Variants in LNP1 observed in about 807,000 individuals in gnomAD.
LNP1 encodes leukemia NUP98 fusion partner 1.
LNP1 carries 12 observed loss-of-function variants against 14.5 expected under a neutral mutation model. The observed-to-expected ratio is 0.83, with a 90% CI of 0.53 to 1.34. The LOEUF (loss-of-function observed/expected upper bound fraction) is 1.34. Ranked by LOEUF, LNP1 falls within the 40% of genes most tolerant of loss-of-function variation. The pLI is 0.00. For synonymous variants in LNP1, 75 were observed against 71.4 expected (o/e 1.05, Z -0.26); for missense variants, 198 against 210.9 (o/e 0.94, Z 0.38).
intron 2 of LNP1, among the ~76,000 whole-genome samples, chr3:100,442,787 C>A (rs1707356784): frequency 6.6e-6 from 1 of 151,936 alleles, no homozygotes; most frequent in South Asian, 2.1e-4. Context: ...AAAATAAAAT[C>A]TTTTGGAATA....
intron 2 of LNP1, among the ~76,000 whole-genome samples, chr3:100,446,124 AAG>A (rs1256904204): frequency 6.6e-6 from 1 of 152,234 alleles, no homozygotes; most frequent in Non-Finnish European, 1.5e-5. Context: ...GGAACCAAAA[AAG>A]AGCCTGCATT....
At chr3:100,424,665 A>G (rs1707175356) in intron 1 of LNP1, among the ~76,000 whole-genome samples, 1 of 152,180 alleles carries the variant, frequency 6.6e-6, no homozygotes, top group South Asian at 2.1e-4. Flanking sequence ...CCACTCTTAT[A>G]ATTTAAGGAA....
chr3:100,442,873 A>G (rs1251495004), intron 2 of LNP1, among the ~76,000 whole-genome samples: 1 of 152,162 alleles, frequency 6.6e-6, no homozygotes, highest in East Asian at 1.9e-4. Flanking sequence ...TTATTCCTAG[A>G]CAGGTAGGTC....
chr3:100,427,482 A>T (rs1707205220), intron 1 of LNP1, among the ~76,000 whole-genome samples: 1 of 152,182 alleles, frequency 6.6e-6, no homozygotes, highest in Non-Finnish European at 1.5e-5. Flanking sequence ...CAGCTGATTC[A>T]TACTATAGAT....
At chr3:100,436,424 G>A (rs1284853289) in intron 2 of LNP1, among the ~76,000 whole-genome samples, 4 of 152,052 alleles carry the variant, frequency 2.6e-5, no homozygotes, top group African/African-American at 9.7e-5. Flanking sequence ...CAGTTGATGA[G>A]GGGCTTAGGA....
At chr3:100,447,623 A>G (rs2148907658) in intron 2 of LNP1, among the ~76,000 whole-genome samples, 1 of 152,166 alleles carries the variant, frequency 6.6e-6, no homozygotes, top group South Asian at 2.1e-4. Flanking sequence ...TTAAAAAAAA[A>G]ATCCCTTTAT....
chr3:100,406,012 G>A (rs182630601), intron 1 of LNP1, among the ~76,000 whole-genome samples: 45 of 152,320 alleles, frequency 3.0e-4, no homozygotes, highest in African/African-American at 1.1e-3. Flanking sequence ...TGGGCCGGGT[G>A]CAGTGGCTTG....
intron 1 of LNP1, among the ~76,000 whole-genome samples, chr3:100,406,111 C>A (rs904769101): frequency 3.9e-5 from 6 of 152,108 alleles, no homozygotes; most frequent in Admixed American, 3.9e-4. Flanking sequence ...CATGGTGAAA[C>A]CCTGTCTCTA....
At chr3:100,408,064 G>A (rs974321116) in intron 1 of LNP1, among the ~76,000 whole-genome samples, 2 of 152,092 alleles carry the variant, frequency 1.3e-5, no homozygotes, top group South Asian at 2.1e-4. Flanking sequence ...GAATTCCTTG[G>A]CAGATAGTTG....
At position 100,405,043 on chromosome 3, in the gene LNP1, C is replaced by T. The variant is rs563910767; in HGVS notation, c.-34+2604C>T. On this transcript the variant is annotated intron_variant, in intron 1 of 3. Coordinates refer to ENST00000383693, the MANE Select transcript of LNP1 (RefSeq NM_001085451.2). ...TTCTGACCTCGTGATCCGCCCGCCTCGGCCTCTCAAAGTGCTGGGATTACA... is the reference window on the plus strand; with the variant it reads ...TTCTGACCTCGTGATCCGCCCGCCTTGGCCTCTCAAAGTGCTGGGATTACA... Among the ~76,000 whole-genome samples, 5 of 152,242 alleles carry T rather than the reference C, an allele frequency of 3.3e-5. No individual in the cohort carries two copies. The East Asian group carries it at 5.8e-4, about 18-fold the overall frequency.
chr3:100,442,530 C>T (rs752211576), intron 2 of LNP1, among the ~76,000 whole-genome samples: 3 of 152,136 alleles, frequency 2.0e-5, no homozygotes, highest in Non-Finnish European at 2.9e-5. Flanking sequence ...CAGGAAGACT[C>T]AAAGTGGGGA....
At chr3:100,451,602 G>A (rs968222606) in intron 2 of LNP1, 117 bp from the exon 3 acceptor site, 1 of 613,638 alleles carries the variant, frequency 1.6e-6, no homozygotes, top group Non-Finnish European at 2.9e-6. Flanking sequence ...CTTTCACAAA[G>A]ATAATATATC....
chr3:100,409,169 G>A lies in LNP1; in HGVS notation c.-34+6730G>A, dbSNP rs143200153. On this transcript the variant is annotated intron_variant, in intron 1 of 3. Coordinates refer to ENST00000383693, the MANE Select transcript of LNP1 (RefSeq NM_001085451.2). ...AACTTGACCCACTGATGAATAAGAG[G>A]GAACTCCTCCTCCCTAAGTTCCTTG... 5.3e-4 allele frequency among the ~76,000 whole-genome samples: 80 copies of A among 152,038 alleles called. 1 individual carries two copies. The East Asian group carries it at 0.016, about 29-fold the overall frequency.
chr3:100,428,408 C>G (rs576773704), intron 1 of LNP1, among the ~76,000 whole-genome samples: 1 of 151,284 alleles, frequency 6.6e-6, no homozygotes, highest in Non-Finnish European at 1.5e-5. Flanking sequence ...GGTGGGTGCC[C>G]GTAATCCCAG....
intron 1 of LNP1, among the ~76,000 whole-genome samples, chr3:100,423,314 A>C (rs1196979783): frequency 2.6e-5 from 4 of 152,188 alleles, no homozygotes; most frequent in Admixed American, 2.6e-4. Context: ...AATAAAAAAA[A>C]ATAAGTTACT....
intron 2 of LNP1, among the ~76,000 whole-genome samples, chr3:100,444,082 T>C (rs889258467): frequency 3.3e-5 from 5 of 152,238 alleles, no homozygotes; most frequent in Non-Finnish European, 7.3e-5. Flanking sequence ...TTGATAGTCA[T>C]AAACATTTCA....
intron 1 of LNP1, among the ~76,000 whole-genome samples, chr3:100,422,927 C>T (rs1264620489): frequency 1.4e-5 from 2 of 145,320 alleles, no homozygotes; most frequent in African/African-American, 5.1e-5. Context: ...TAGAGACATG[C>T]TTTAGGACAC....
At chr3:100,449,291 A>G (rs1023604623) in intron 2 of LNP1, among the ~76,000 whole-genome samples, 9 of 151,872 alleles carry the variant, frequency 5.9e-5, no homozygotes, top group Admixed American at 1.3e-4. Flanking sequence ...GTCTAAATAC[A>G]TTCTTCTTTA....
intron 1 of LNP1, among the ~76,000 whole-genome samples, chr3:100,411,319 C>A (rs1188824780): frequency 6.6e-6 from 1 of 152,196 alleles, no homozygotes; most frequent in Non-Finnish European, 1.5e-5. Context: ...CAGGATGAAT[C>A]ACACTTCAGT....
Sources: allele counts gnomAD v4.1 joint callset (sites outside exome capture counted in the v4.1 genomes callset), GRCh38; gene constraint gnomAD v4.1.1; transcripts MANE v1.5; gene names NCBI Gene and HGNC (gene_info 2026-07-23, HGNC 2026-07-21).